The following TNRC18 variants were observed in gnomAD, a reference collection of about 807,000 sequenced individuals.
TNRC18 encodes trinucleotide repeat containing 18.
TNRC18 carries 69 observed loss-of-function variants against 226.7 expected under a neutral mutation model. The ratio of observed to expected loss-of-function variants is 0.30; its 90% CI spans 0.25 to 0.37. The LOEUF is 0.37. TNRC18 is among the 10% of genes least tolerant of loss of function. The pLI is 1.00. For synonymous variants in TNRC18, 2,449 were observed against 1,927.6 expected, an observed-to-expected ratio of 1.27 and a Z score of -7.09; for missense variants, 4,754 against 4,256.6, an observed-to-expected ratio of 1.12 and a Z score of -3.25.
In TNRC18 at chr7:5,387,304, A is replaced by C. The variant is rs546180954; in HGVS notation, c.2152+368T>G. Among the ~76,000 whole-genome samples the C allele has an allele frequency of 9.8e-5, 15 of 152,318 alleles. No individual in the cohort carries two copies. In the East Asian group the frequency reaches 2.5e-3, roughly 25 times the overall value. On this transcript the variant is annotated intron_variant, in intron 5 of 29. Transcript: ENST00000430969. ...CCCAGGCTGGCTAGGTACCGGGGAC[A>C]CTGGAATCGGTAAGGCACAGTTAGG...
intron 27 of TNRC18, among the ~76,000 whole-genome samples, chr7:5,311,056 AGT>A (rs1375648137): frequency 6.6e-6 from 1 of 152,188 alleles, no homozygotes; most frequent in Non-Finnish European, 1.5e-5. Flanking sequence ...GTGTGGGTGT[AGT>A]GTATTTGCAT....
chr7:5,406,075 T>C (rs1184510030), intron 2 of TNRC18, among the ~76,000 whole-genome samples: 1 of 152,146 alleles, frequency 6.6e-6, no homozygotes, highest in Non-Finnish European at 1.5e-5. Context: ...TGGAATATTA[T>C]TCAGCCCTGA....
chr7:5,362,444 A>G (rs1427244540), intron 12 of TNRC18, among the ~76,000 whole-genome samples: 1 of 152,144 alleles, frequency 6.6e-6, no homozygotes, highest in Non-Finnish European at 1.5e-5. Flanking sequence ...TGAGCCTGAC[A>G]TGCTAGCAGA....
chr7:5,313,432 G>C lies in TNRC18; in HGVS notation c.7459C>G (p.Pro2487Ala). 6.2e-7 allele frequency: 1 copy of C among 1,609,910 alleles called. No individual in the cohort carries two copies. Among genetic ancestry groups the C allele is most frequent in the Non-Finnish European group, 8.5e-7 (1 of 1,178,514 alleles). ...AKEALLLREDPGAGGWQEPKS... is the reference protein window; with the variant it reads ...AKEALLLREDAGAGGWQEPKS... ...GGCTCCTGCCAGCCCCCCGCCCCCG[G>C]ATCCTCCCGGAGCAGCAGGGCCTCT... is the stretch of plus-strand genomic sequence containing the variant. The change falls in exon 27 of 30, where the codon CCG becomes GCG. Residue 2487 changes from proline (P) to alanine (A), a missense_variant. Physicochemically the swap from Pro to Ala is conservative, Grantham distance 27 (BLOSUM62 -1). Coordinates refer to ENST00000430969, the MANE Select transcript of TNRC18 (RefSeq NM_001080495.3).
At chr7:5,326,184 T>C (rs1349479898) in intron 19 of TNRC18, among the ~76,000 whole-genome samples, 2 of 151,704 alleles carry the variant, frequency 1.3e-5, no homozygotes, top group Non-Finnish European at 2.9e-5. Flanking sequence ...TCTAGAACTT[T>C]CCACAAGCAC....
chr7:5,384,331 G>A (rs1287510302), intron 5 of TNRC18, among the ~76,000 whole-genome samples: 1 of 152,026 alleles, frequency 6.6e-6, no homozygotes, highest in Non-Finnish European at 1.5e-5. Context: ...AACCTCCTAA[G>A]CTCAAGTGAT....
Position 5,394,759 on chromosome 7 carries a change from C to G in TNRC18, c.188-164G>C, listed in dbSNP as rs953102925. Among the ~76,000 whole-genome samples, 37 of 152,164 alleles carry G rather than the reference C, an allele frequency of 2.4e-4. No homozygotes were observed. The highest frequency in any genetic ancestry group is 8.9e-4 in the African/African-American group (37 of 41,522). On this transcript the variant is annotated intron_variant, in intron 2 of 29. Coordinates refer to ENST00000430969, the MANE Select transcript of TNRC18 (RefSeq NM_001080495.3). This position sits in a 1 kb window ranked among gnomAD's most constrained non-coding sequence, Gnocchi z 4.5. ...GAGGGTTCCCCTGCTCCGGCCCCAC[C>G]CCTGGGCTGCAAGATGGTCCTGGAT...
intron 16 of TNRC18, among the ~76,000 whole-genome samples, chr7:5,356,183 A>G (rs55710322): frequency 2.5e-4 from 35 of 142,748 alleles, no homozygotes; most frequent in East Asian, 1.6e-3. Context: ...AAAAAAAAAA[A>G]AGAAAGAAAA....
chr7:5,419,846 A>G (rs1000558779), intron 2 of TNRC18: 8 of 152,360 alleles, frequency 5.3e-5, no homozygotes, highest in African/African-American at 1.7e-4. Flanking sequence ...AAGAGAGAGC[A>G]AAATCGGCGA....
chr7:5,372,901 G>T (rs965342453), intron 10 of TNRC18, among the ~76,000 whole-genome samples: 1 of 152,104 alleles, frequency 6.6e-6, no homozygotes, highest in Non-Finnish European at 1.5e-5. Flanking sequence ...GCTCACGCCT[G>T]TAATCCCAGC....
At chr7:5,311,800 G>A (rs1415470511) in intron 27 of TNRC18, among the ~76,000 whole-genome samples, 3 of 149,190 alleles carry the variant, frequency 2.0e-5, no homozygotes, top group East Asian at 2.0e-4. Context: ...CCTGGGTGAC[G>A]GAGCAAGATC....
rs772785580 is a variant in TNRC18, at chr7:5,357,244, G to T, written c.4866C>A (p.Asp1622Glu). 1.2e-5 allele frequency: 20 copies of T among 1,612,232 alleles called. 1 individual carries two copies. In the African/African-American group the frequency reaches 1.6e-4, roughly 13 times the overall value. The change falls in exon 16 of 30, where the codon GAC (aspartate) becomes GAA (glutamate). Residue 1622 changes from aspartate to glutamate, a missense_variant. Transcript: ENST00000430969. The stretch of plus-strand genomic sequence containing the variant: ...CGAGCTTGCTTGCCAACTGCTCCTG[G>T]TCGCTGGCCATCTTCTTCTTCTTAA... Reference protein sequence around the residue: ...LKIKKKKMASDQEQLASKLDK... With the variant: ...LKIKKKKMASEQEQLASKLDK...
At chr7:5,420,113 C>T (rs952686858) in intron 2 of TNRC18, 1 of 315,256 alleles carries the variant, frequency 3.2e-6, no homozygotes, top group Admixed American at 4.7e-5. Context: ...CCTTCCCACC[C>T]CTCTGGCTGC....
At chr7:5,412,293 C>T (rs986488553) in intron 2 of TNRC18, among the ~76,000 whole-genome samples, 6 of 147,016 alleles carry the variant, frequency 4.1e-5, no homozygotes, top group Non-Finnish European at 7.5e-5. Context: ...AATGAATTTT[C>T]GGCTGGGCAT....
chr7:5,336,077 T>G (rs966879972), intron 18 of TNRC18, among the ~76,000 whole-genome samples: 2 of 151,928 alleles, frequency 1.3e-5, no homozygotes, highest in Non-Finnish European at 2.9e-5. Flanking sequence ...CGTGGTGGCA[T>G]GCATCTGTAA....
intron 2 of TNRC18, among the ~76,000 whole-genome samples, chr7:5,403,700 C>G (rs1190321429): frequency 6.6e-6 from 1 of 151,386 alleles, no homozygotes; most frequent in African/African-American, 2.4e-5. Context: ...GTTGAAGGCA[C>G]GAGGATCATT....
rs1203596953 is a variant in TNRC18, at chr7:5,312,677, C to G, written c.8214G>C (p.Gln2738His). Reference sequence around the variant, plus strand: ...TCTTGGCCCCGGCCTGAGCCTTGGGCTGCAGAGGCTGTGTGGGCTGCGGAG... The same window carrying G: ...TCTTGGCCCCGGCCTGAGCCTTGGGGTGCAGAGGCTGTGTGGGCTGCGGAG... Reference protein sequence around the residue: ...APPPQPTQPLQPKAQAGAKSR... With the variant: ...APPPQPTQPLHPKAQAGAKSR... The change falls in exon 27 of 30, where the codon CAG becomes CAC. Residue 2738 changes from glutamine to histidine, a missense_variant. Gln to His is a conservative substitution (Grantham distance 24). Coordinates refer to ENST00000430969, the MANE Select transcript of TNRC18 (RefSeq NM_001080495.3). The surrounding 1 kb of genome is among the most constrained non-coding windows in gnomAD (Gnocchi z 6.3). 6.2e-7 allele frequency: 1 copy of G among 1,602,730 alleles called. No homozygotes were observed. Among genetic ancestry groups the G allele is most frequent in the Non-Finnish European group, 8.5e-7 (1 of 1,175,402 alleles).
In TNRC18 at chr7:5,394,836, C is replaced by T. The variant is rs935680102; in HGVS notation, c.188-241G>A. On this transcript the variant is annotated intron_variant, in intron 2 of 29. Coordinates refer to ENST00000430969, the MANE Select transcript of TNRC18 (RefSeq NM_001080495.3). The surrounding 1 kb of genome is among the most constrained non-coding windows in gnomAD (Gnocchi z 4.5). The stretch of plus-strand genomic sequence containing the variant: ...AAAGCACAATACGGCAGGAAGCCCC[C>T]CACAGCAGACCCTCAGCCCTGGGCA... Among the ~76,000 whole-genome samples the T allele has an allele frequency of 6.6e-6, 1 of 152,088 alleles. No individual in the cohort carries two copies. The highest frequency in any genetic ancestry group is 2.4e-5 in the African/African-American group (1 of 41,422).
At chr7:5,420,582 A>G (rs1418242147) in intron 2 of TNRC18, 5 of 451,388 alleles carry the variant, frequency 1.1e-5, no homozygotes, top group South Asian at 7.8e-5. Flanking sequence ...GCGCTCGGTA[A>G]CTGCCAGGGA....
Sources: gnomAD v4.1 joint callset for allele counts (sites outside exome capture counted in the v4.1 genomes callset) on GRCh38, gnomAD v4.1.1 for gene constraint, Gnocchi (gnomAD v3.1) non-coding constraint, MANE v1.5 for transcripts, NCBI Gene and HGNC (gene_info 2026-07-23, HGNC 2026-07-21) for gene names.